PTPN22: variants seen among roughly 807,000 people sequenced by gnomAD.
The protein encoded by PTPN22 is tyrosine-protein phosphatase non-receptor type 22.
Under a neutral mutation model 103.3 loss-of-function variants are expected in PTPN22, and 85 were observed. The ratio of observed to expected loss-of-function variants is 0.82; its 90% CI spans 0.69 to 0.99. The LOEUF is 0.99. Ranked by LOEUF, PTPN22 falls within the 50% of genes least tolerant of loss-of-function variation. PTPN22 has a pLI of 0.00. For synonymous variants in PTPN22, 323 were observed against 310.2 expected, an observed-to-expected ratio of 1.04 and a Z score of -0.43; for missense variants, 865 against 936.9, an observed-to-expected ratio of 0.92 and a Z score of 1.00.
chr1:113,864,408 A>C, intron 1 of PTPN22: 1 of 256,226 alleles, frequency 3.9e-6, no homozygotes, highest in Non-Finnish European at 7.8e-6. Context: ...AAAAAAAAGA[A>C]AGAAAAGAAG....
chr1:113,822,937 C>T (rs771404345), intron 19 of PTPN22, among the ~76,000 whole-genome samples: 1 of 152,114 alleles, frequency 6.6e-6, no homozygotes, highest in African/African-American at 2.4e-5. Context: ...CCAGCCTGGG[C>T]GACAGAGCTA....
Position 113,852,117 on chromosome 1 carries a change from A to G in PTPN22, c.751-13T>C. 6.4e-7 allele frequency: 1 copy of G among 1,574,242 alleles called. No homozygotes were observed. The highest frequency in any genetic ancestry group is 1.7e-5 in the Admixed American group (1 of 59,604). ...TCTCAGGAATTATCTATCAAATTAA[A>G]GGGGAAAATATTCCTTTCAATATTT... On this transcript the variant is annotated splice_polypyrimidine_tract_variant and intron_variant, in intron 9 of 20. Transcript: ENST00000359785.
intron 20 of PTPN22, chr1:113,819,242 T>C (rs1661395957): frequency 6.3e-6 from 1 of 157,966 alleles, no homozygotes. Context: ...CTTTTTATCA[T>C]ACTTCTATGT....
intron 8 of PTPN22, 117 bp downstream of exon 8, chr1:113,854,790 T>C (rs895452999): frequency 4.4e-5 from 57 of 1,305,450 alleles, no homozygotes; most frequent in African/African-American, 7.4e-5. Context: ...AATGCTTAGG[T>C]TGAATTTATT....
intron 11 of PTPN22, among the ~76,000 whole-genome samples, chr1:113,838,944 T>G (rs907353661): frequency 4.6e-5 from 7 of 152,156 alleles, no homozygotes; most frequent in African/African-American, 1.7e-4. Flanking sequence ...AATTTCAGCA[T>G]CTCAGCCCTT....
chr1:113,841,349 G>A (rs995186799), intron 11 of PTPN22, among the ~76,000 whole-genome samples: 5 of 152,100 alleles, frequency 3.3e-5, no homozygotes, highest in African/African-American at 1.2e-4. Flanking sequence ...AAGAAAATGG[G>A]CAAGCTTCAT....
chr1:113,859,206 G>T (rs562846473), intron 2 of PTPN22, 128 bp from the exon 3 acceptor site: 9 of 1,545,466 alleles, frequency 5.8e-6, no homozygotes, highest in African/African-American at 5.5e-5. Context: ...ATGAATGAAT[G>T]AATATTCTTT....
At chr1:113,853,509 C>T (rs1281171921) in intron 9 of PTPN22, among the ~76,000 whole-genome samples, 1 of 151,004 alleles carries the variant, frequency 6.6e-6, no homozygotes, top group African/African-American at 2.4e-5. Context: ...CGCCACCACA[C>T]CTGGCTAATT....
intron 20 of PTPN22, among the ~76,000 whole-genome samples, chr1:113,816,435 A>AG (rs71090734): frequency 9.5e-6 from 1 of 105,220 alleles, no homozygotes; most frequent in Non-Finnish European, 2.0e-5. Flanking sequence ...AAAAAAAAAA[A>AG]GAATTGAAAA....
chr1:113,856,758 A>G (rs1184423913), intron 5 of PTPN22, 139 bp from the exon 6 acceptor site: 1 of 997,832 alleles, frequency 1.0e-6, no homozygotes, highest in Non-Finnish European at 1.5e-6. Flanking sequence ...CAACCCCTAC[A>G]TTATTGGAAT....
intron 15 of PTPN22, 106 bp downstream of exon 15, chr1:113,834,203 T>C: frequency 2.6e-6 from 3 of 1,172,744 alleles, no homozygotes; most frequent in Non-Finnish European, 3.6e-6. Context: ...TTGTTCTATA[T>C]TTAGTATGTG....
chr1:113,851,976 GATGGA>G, intron 10 of PTPN22, 46 bp downstream of exon 10: 1 of 1,416,210 alleles, frequency 7.1e-7, no homozygotes, highest in Non-Finnish European at 9.8e-7. Context: ...CCATTAAACA[GATGGA>G]GCAAGACTCA....
chr1:113,862,230 C>G (rs1665677470), intron 1 of PTPN22, among the ~76,000 whole-genome samples: 1 of 152,068 alleles, frequency 6.6e-6, no homozygotes, highest in South Asian at 2.1e-4. Context: ...TTGCAGTAAG[C>G]TGAGATCACA....
At chr1:113,847,025 C>G (rs1327472476) in intron 11 of PTPN22, among the ~76,000 whole-genome samples, 1 of 70,386 alleles carries the variant, frequency 1.4e-5, no homozygotes, top group Non-Finnish European at 2.8e-5. Flanking sequence ...TCCCTTAGTT[C>G]CCTGCAGCTC....
chr1:113,819,641 A>G, exon 20 of PTPN22: 5 of 1,598,512 alleles, frequency 3.1e-6, no homozygotes, highest in Non-Finnish European at 4.3e-6. Flanking sequence ...TTGGTGGGCA[A>G]GAATTACAGA....
intron 14 of PTPN22, 23 bp from the exon 15 acceptor site, chr1:113,834,462 C>T (rs988768606): frequency 1.2e-5 from 19 of 1,602,726 alleles, no homozygotes; most frequent in Non-Finnish European, 1.5e-5. Flanking sequence ...GAATATAGTT[C>T]GGTTCTTAAG....
At chr1:113,866,581 A>G (rs1033132277) in intron 1 of PTPN22, among the ~76,000 whole-genome samples, 1 of 152,182 alleles carries the variant, frequency 6.6e-6, no homozygotes, top group Non-Finnish European at 1.5e-5. Flanking sequence ...ATGATGCTGC[A>G]TCATCAACTA....
At chr1:113,857,663 T>C in intron 5 of PTPN22, 75 bp downstream of exon 5, 1 of 1,403,244 alleles carries the variant, frequency 7.1e-7, no homozygotes, top group Non-Finnish European at 1.0e-6. Flanking sequence ...CTCAGGTAAG[T>C]TCTGCTGCCA....
rs556368022 is a variant in PTPN22 at position 113,826,418 on chromosome 1, G to A, written c.2251-1246C>T. ...AGAAGGGGAAGGGAAGGGAAGGGAAGGGAAGGGAAGGGAAGGGAAGGGAAG... is the reference window on the plus strand; with the variant it reads ...AGAAGGGGAAGGGAAGGGAAGGGAAAGGAAGGGAAGGGAAGGGAAGGGAAG... On this transcript the variant is annotated intron_variant, in intron 18 of 20. Transcript: ENST00000359785. Among the ~76,000 whole-genome samples, 28 of 150,002 alleles carry A rather than the reference G, an allele frequency of 1.9e-4. 1 individual carries two copies. In the East Asian group the frequency reaches 5.5e-3, roughly 29 times the overall value.
Sources: gnomAD v4.1 joint callset for allele counts (sites outside exome capture counted in the v4.1 genomes callset) on GRCh38, gnomAD v4.1.1 for gene constraint, MANE v1.5 for transcripts, NCBI Gene and HGNC (gene_info 2026-07-23, HGNC 2026-07-21) for gene names.